The following MPPED2 variants were observed in gnomAD, a reference collection of about 807,000 sequenced individuals.
MPPED2 encodes metallophosphoesterase domain containing 2.
A neutral mutation model predicts 33.0 loss-of-function variants in MPPED2; 5 were observed. That is an observed-to-expected ratio of 0.15 (90% CI 0.08 to 0.32). MPPED2 has a LOEUF of 0.32. Among genes scored for constraint, MPPED2 ranks in the 10% least tolerant of loss-of-function variants. The pLI is 1.00. For missense variants in MPPED2, 275 were observed against 372.1 expected (o/e 0.74, Z 2.15); for synonymous variants, 136 against 141.9 (o/e 0.96, Z 0.29).
chr11:30,435,130 T>C (rs1949268337), intron 4 of MPPED2, among the ~76,000 whole-genome samples: 2 of 152,226 alleles, frequency 1.3e-5, no homozygotes, highest in Admixed American at 6.5e-5. Context: ...TTCTGAGTTA[T>C]TAGTTCTGCA....
At chr11:30,465,587 T>C (rs1950674672) in intron 4 of MPPED2, among the ~76,000 whole-genome samples, 1 of 152,220 alleles carries the variant, frequency 6.6e-6, no homozygotes, top group Non-Finnish European at 1.5e-5. Context: ...TGAGCCACCA[T>C]GCCCAGCCTA....
chr11:30,553,862 C>T (rs1050629060), intron 2 of MPPED2, among the ~76,000 whole-genome samples: 16 of 152,096 alleles, frequency 1.1e-4, no homozygotes, highest in African/African-American at 2.9e-4. Context: ...AGAAGAAAAG[C>T]CTATACTGCA....
At chr11:30,446,099 T>C (rs1002213170) in intron 4 of MPPED2, among the ~76,000 whole-genome samples, 1 of 152,252 alleles carries the variant, frequency 6.6e-6, no homozygotes, top group African/African-American at 2.4e-5. Context: ...TGGTTGCAGA[T>C]AGCTGCAAAC....
At chr11:30,500,647 C>T (rs1040438335) in intron 3 of MPPED2, among the ~76,000 whole-genome samples, 1 of 152,222 alleles carries the variant, frequency 6.6e-6, no homozygotes, top group Admixed American at 6.5e-5. Context: ...AAAGCACATG[C>T]ATGGTGCAGA....
intron 4 of MPPED2, among the ~76,000 whole-genome samples, chr11:30,460,260 G>A (rs537811575): frequency 3.9e-5 from 6 of 152,106 alleles, no homozygotes; most frequent in South Asian, 2.1e-4. Context: ...TCTGCTTCCC[G>A]TGGCGACAAT....
intron 4 of MPPED2, among the ~76,000 whole-genome samples, chr11:30,456,563 T>G (rs1320492701): frequency 2.0e-5 from 3 of 152,162 alleles, no homozygotes. Context: ...TGTGTGTGTG[T>G]GTCTGTGTGT....
chr11:30,407,868 CAAATAAATAAGTAAATAAATAAAT>C (rs1186895717), downstream of MPPED2, among the ~76,000 whole-genome samples: 2 of 151,098 alleles, frequency 1.3e-5, no homozygotes, highest in African/African-American at 2.5e-5. Flanking sequence ...GAGACTCTGT[CAAATAAATAAGTAAATAAATAAAT>C]AAATAAATAA....
chr11:30,429,172 G>C (rs564869050), intron 4 of MPPED2: 1 of 152,260 alleles, frequency 6.6e-6, no homozygotes, highest in African/African-American at 2.4e-5. Flanking sequence ...CTCCTTACCT[G>C]TGGAATGAAG....
At chr11:30,468,983 T>G (rs1277679423) in intron 4 of MPPED2, 3 of 152,202 alleles carry the variant, frequency 2.0e-5, no homozygotes, top group Admixed American at 2.0e-4. Flanking sequence ...GCAAAACTCT[T>G]CCCCTGGTCA....
rs1164474227 is a variant in MPPED2, at chr11:30,410,877, T to C, written c.*591A>G. 2.0e-6 allele frequency: 2 copies of C among 985,610 alleles called. No homozygotes were observed. Among genetic ancestry groups the C allele is most frequent in the East Asian group, 1.1e-4 (1 of 8,830 alleles). The allele number at this position is 985,610 out of a possible 1,614,324, so 61.1% of individuals were successfully genotyped here. ...ATAACCACAATAGGAATCTCACTAGTTAAACCATCCTTTAAATGACAGCCA... is the reference window on the plus strand; with the variant it reads ...ATAACCACAATAGGAATCTCACTAGCTAAACCATCCTTTAAATGACAGCCA... On this transcript the variant is annotated 3_prime_UTR_variant, in exon 7 of 7. Coordinates refer to ENST00000358117, the MANE Select transcript of MPPED2 (RefSeq NM_001584.3).
At chr11:30,567,298 T>C (rs1201973193) in intron 2 of MPPED2, among the ~76,000 whole-genome samples, 1 of 152,182 alleles carries the variant, frequency 6.6e-6, no homozygotes, top group African/African-American at 2.4e-5. Flanking sequence ...CGATCAACAA[T>C]GAGGCTTACC....
chr11:30,390,936 G>A (rs1206390417), intron 6 of MPPED2, among the ~76,000 whole-genome samples: 1 of 152,158 alleles, frequency 6.6e-6, no homozygotes, highest in Non-Finnish European at 1.5e-5. Context: ...GACGATGGAA[G>A]TGAACTGATC....
rs114657093 is a variant in MPPED2, at chr11:30,565,508, C to T, written c.128+14738G>A. On this transcript the variant is annotated intron_variant, in intron 2 of 6. Transcript: ENST00000358117. The stretch of plus-strand genomic sequence containing the variant: ...CATCAGAGCCCCTTTACCTACAGGG[C>T]AAAAAGCTCCTCCAGCTCCAACCCT... Among the ~76,000 whole-genome samples, 535 of 152,190 alleles carry T rather than the reference C, an allele frequency of 3.5e-3. 6 individuals carry two copies. Among genetic ancestry groups the T allele is most frequent in the African/African-American group, 0.012 (515 of 41,524 alleles).
At chr11:30,576,292 T>C (rs1317664018) in intron 2 of MPPED2, among the ~76,000 whole-genome samples, 1 of 152,156 alleles carries the variant, frequency 6.6e-6, no homozygotes. Flanking sequence ...ACAGGTGATA[T>C]TGACCACTAT....
At chr11:30,494,737 C>CAAAAAAAAAAAAAAAAACAA (rs1952158492) in intron 4 of MPPED2, among the ~76,000 whole-genome samples, 1 of 47,624 alleles carries the variant, frequency 2.1e-5, no homozygotes, top group Non-Finnish European at 3.9e-5. Context: ...TACTCCACCT[C>CAAAAAAAAAAAAAAAAACAA]AAAAAAAAAA....
At chr11:30,505,953 A>T (rs1488747330) in intron 3 of MPPED2, among the ~76,000 whole-genome samples, 1 of 152,204 alleles carries the variant, frequency 6.6e-6, no homozygotes, top group Non-Finnish European at 1.5e-5. Flanking sequence ...CTACCTTATG[A>T]AGTGGGTATG....
chr11:30,506,596 C>G (rs2134276587), intron 3 of MPPED2, among the ~76,000 whole-genome samples: 1 of 152,240 alleles, frequency 6.6e-6, no homozygotes, highest in Non-Finnish European at 1.5e-5. Flanking sequence ...GGCAATTATT[C>G]TACTGAATAA....
chr11:30,390,810 G>A (rs962626554), intron 6 of MPPED2, among the ~76,000 whole-genome samples: 2 of 152,154 alleles, frequency 1.3e-5, no homozygotes. Context: ...CCTCTCACAT[G>A]TTTGGCAGTG....
chr11:30,450,876 G>A (rs952396080), intron 4 of MPPED2, among the ~76,000 whole-genome samples: 1 of 152,174 alleles, frequency 6.6e-6, no homozygotes, highest in African/African-American at 2.4e-5. Flanking sequence ...ATCTGGCTCA[G>A]GGCCACACAG....
Sources: gnomAD v4.1 joint callset for allele counts (sites outside exome capture counted in the v4.1 genomes callset) on GRCh38, gnomAD v4.1.1 for gene constraint, MANE v1.5 for transcripts, NCBI Gene and HGNC (gene_info 2026-07-23, HGNC 2026-07-21) for gene names.